The following COL19A1 variants were observed in gnomAD, a reference collection of about 807,000 sequenced individuals.
COL19A1 encodes the protein collagen alpha-1(XIX) chain.
Under a neutral mutation model 190.2 loss-of-function variants are expected in COL19A1, and 159 were observed. That is an observed-to-expected ratio of 0.84 (90% CI 0.73 to 0.95). COL19A1 has a LOEUF of 0.95. Ranked by LOEUF, COL19A1 falls within the 40% of genes least tolerant of loss-of-function variation. The probability of loss-of-function intolerance (pLI) is 0.00; values close to 1 mark genes in which losing one functional copy is unlikely to be tolerated. For synonymous variants in COL19A1, 509 were observed against 458.9 expected, an observed-to-expected ratio of 1.11 and a Z score of -1.39; for missense variants, 1,418 against 1,431.9, an observed-to-expected ratio of 0.99 and a Z score of 0.16.
chr6:70,195,098 G>T (rs1767109933), intron 48 of COL19A1, among the ~76,000 whole-genome samples: 2 of 140,144 alleles, frequency 1.4e-5, no homozygotes, highest in African/African-American at 2.6e-5. Context: ...ATATGTACTT[G>T]TTATATACAC....
At position 70,212,431 on chromosome 6, in the gene COL19A1, A is replaced by G. The variant is rs1163435951; in HGVS notation, c.*5157A>G. Among the ~76,000 whole-genome samples, 1 of 152,174 alleles carries G rather than the reference A, an allele frequency of 6.6e-6. No homozygotes were observed. Among genetic ancestry groups the G allele is most frequent in the Non-Finnish European group, 1.5e-5 (1 of 68,034 alleles). On this transcript the variant is annotated 3_prime_UTR_variant, in exon 51 of 51. Transcript: ENST00000620364. ...ATTATGCATAATGAGCTTGTCACCT[A>G]TCTCAGCAATAAAGGTTCTGACCCT...
intron 41 of COL19A1, among the ~76,000 whole-genome samples, chr6:70,176,148 A>G (rs1039531645): frequency 6.6e-6 from 1 of 152,190 alleles, no homozygotes; most frequent in Non-Finnish European, 1.5e-5. Flanking sequence ...AAGACACTCA[A>G]AGTGCTTAAT....
chr6:69,943,568 TG>T (rs1291019331), intron 9 of COL19A1, among the ~76,000 whole-genome samples: 8 of 152,168 alleles, frequency 5.3e-5, no homozygotes, highest in African/African-American at 1.9e-4. Flanking sequence ...CAATCCATTT[TG>T]GGTTGATTTT....
chr6:70,017,877 A>G (rs951744661), intron 11 of COL19A1, among the ~76,000 whole-genome samples: 1 of 152,130 alleles, frequency 6.6e-6, no homozygotes, highest in Non-Finnish European at 1.5e-5. Flanking sequence ...TTTGAGGACC[A>G]AATAAGGTAC....
chr6:69,885,871 G>A (rs1768889932), intron 2 of COL19A1, among the ~76,000 whole-genome samples: 1 of 151,948 alleles, frequency 6.6e-6, no homozygotes, highest in Non-Finnish European at 1.5e-5. Context: ...CACAAAAACC[G>A]TAAAACTCCC....
chr6:69,904,152 T>C (rs1561980864), intron 4 of COL19A1, among the ~76,000 whole-genome samples: 2 of 152,162 alleles, frequency 1.3e-5, no homozygotes, highest in Admixed American at 6.5e-5. Flanking sequence ...AGATCCCTCA[T>C]GTGGGAGGGA....
intron 41 of COL19A1, among the ~76,000 whole-genome samples, chr6:70,175,137 C>A (rs1355124354): frequency 6.6e-6 from 1 of 152,076 alleles, no homozygotes; most frequent in African/African-American, 2.4e-5. Context: ...TGTTTATGTC[C>A]TTTACCCATT....
At chr6:69,987,683 A>C (rs945737926) in intron 11 of COL19A1, among the ~76,000 whole-genome samples, 1 of 152,176 alleles carries the variant, frequency 6.6e-6, no homozygotes, top group African/African-American at 2.4e-5. Flanking sequence ...AATCTAACAA[A>C]ATACCTCCCA....
intron 15 of COL19A1, among the ~76,000 whole-genome samples, chr6:70,078,757 A>G (rs146265754): frequency 2.4e-3 from 366 of 152,254 alleles, no homozygotes; most frequent in African/African-American, 6.7e-3. Context: ...ATGATTTTAA[A>G]AAGAACTTTG....
chr6:70,106,329 CGTGT>C lies in COL19A1; in HGVS notation c.1278+4136_1278+4139del, dbSNP rs55854953. 9.1e-3 allele frequency among the ~76,000 whole-genome samples: 1,359 copies of C among 149,344 alleles called. 14 individuals are homozygous for C. Among genetic ancestry groups the C allele is most frequent in the African/African-American group, 0.026 (1,072 of 40,698 alleles). ...TTTCTGACAAATAGCTAAGTGTGTG[CGTGT>C]GTGTGTGTGTGTGTGTGTGTGTGTG... On this transcript the variant is annotated intron_variant, in intron 16 of 50. Coordinates refer to ENST00000620364, the MANE Select transcript of COL19A1 (RefSeq NM_001858.6).
chr6:70,099,094 A>G (rs1438137207), intron 15 of COL19A1, among the ~76,000 whole-genome samples: 1 of 151,050 alleles, frequency 6.6e-6, no homozygotes, highest in African/African-American at 2.4e-5. Flanking sequence ...TTGAGAAAAA[A>G]AGAGATTGTG....
chr6:70,029,879 A>G (rs1319940008), intron 12 of COL19A1, among the ~76,000 whole-genome samples: 1 of 152,202 alleles, frequency 6.6e-6, no homozygotes, highest in East Asian at 1.9e-4. Context: ...TGAAAAGTAA[A>G]AACAACATTT....
chr6:70,121,948 G>A lies in COL19A1; in HGVS notation c.1341+6G>A. Reference sequence around the variant, plus strand: ...ATTATAACAAGGATAACAAGGTATGGCTTCTTTTTTCCCATAATTTATAAT... The same window carrying A: ...ATTATAACAAGGATAACAAGGTATGACTTCTTTTTTCCCATAATTTATAAT... On this transcript the variant is annotated splice_donor_region_variant and intron_variant, in intron 17 of 50. Transcript: ENST00000620364. The A allele has an allele frequency of 1.9e-6, 3 of 1,545,238 alleles. No individual in the cohort carries two copies. Among genetic ancestry groups the A allele is most frequent in the East Asian group, 2.3e-5 (1 of 42,990 alleles).
chr6:70,115,789 AGTT>A (rs1164261014), intron 16 of COL19A1, among the ~76,000 whole-genome samples: 6 of 134,032 alleles, frequency 4.5e-5, no homozygotes, highest in Admixed American at 1.5e-4. Flanking sequence ...AGTTTCTAGC[AGTT>A]GTTGTTTTTT....
chr6:70,066,434 C>A (rs539525397), intron 14 of COL19A1, among the ~76,000 whole-genome samples: 157 of 151,974 alleles, frequency 1.0e-3, no homozygotes, highest in African/African-American at 3.5e-3. Flanking sequence ...GAACATCACA[C>A]CTGGGTCCTG....
intron 12 of COL19A1, among the ~76,000 whole-genome samples, chr6:70,029,208 T>C (rs1390904885): frequency 6.6e-6 from 1 of 152,158 alleles, no homozygotes; most frequent in East Asian, 1.9e-4. Context: ...AAAGAATTAA[T>C]TGATGGGTTA....
intron 16 of COL19A1, among the ~76,000 whole-genome samples, chr6:70,118,715 T>C (rs1052110244): frequency 6.6e-6 from 1 of 152,222 alleles, no homozygotes; most frequent in Non-Finnish European, 1.5e-5. Context: ...TATGAAAATG[T>C]AGAAGTAATT....
At chr6:70,025,320 G>A (rs991527118) in intron 12 of COL19A1, among the ~76,000 whole-genome samples, 12 of 152,128 alleles carry the variant, frequency 7.9e-5, no homozygotes, top group African/African-American at 2.4e-4. Flanking sequence ...GTGAGCCACC[G>A]TGCCCGGCAG....
intron 15 of COL19A1, among the ~76,000 whole-genome samples, chr6:70,098,079 G>A (rs1269049738): frequency 6.6e-6 from 1 of 152,140 alleles, no homozygotes; most frequent in Non-Finnish European, 1.5e-5. Flanking sequence ...GGCATCAGGA[G>A]CCTTCTTCCT....
Sources: gnomAD v4.1 joint callset for allele counts (sites outside exome capture counted in the v4.1 genomes callset) on GRCh38, gnomAD v4.1.1 for gene constraint, MANE v1.5 for transcripts, NCBI Gene and HGNC (gene_info 2026-07-23, HGNC 2026-07-21) for gene names.